Variants in NKAIN2 observed in about 807,000 individuals in gnomAD.
The protein encoded by NKAIN2 is sodium/potassium-transporting ATPase subunit beta-1-interacting protein 2.
A neutral mutation model predicts 32.6 loss-of-function variants in NKAIN2; 14 were observed. The observed-to-expected ratio is 0.43, with a 90% CI of 0.28 to 0.67. The LOEUF (loss-of-function observed/expected upper bound fraction) is 0.67. Ranked by LOEUF, NKAIN2 falls within the 30% of genes least tolerant of loss-of-function variation. The probability of loss-of-function intolerance (pLI) is 0.17; values close to 1 mark genes in which losing one functional copy is unlikely to be tolerated. For missense variants in NKAIN2, 198 were observed against 258.3 expected (o/e 0.77, Z 1.60); for synonymous variants, 80 against 87.2 (o/e 0.92, Z 0.46).
chr6:123,960,194 G>T (rs563735357), intron 1 of NKAIN2, among the ~76,000 whole-genome samples: 2 of 152,280 alleles, frequency 1.3e-5, no homozygotes, highest in South Asian at 4.1e-4. Context: ...CCAACACTGT[G>T]CAGCATACTG....
rs1781493198 is a variant in NKAIN2 at position 124,823,922 on chromosome 6, T to C, written c.*693T>C. On this transcript the variant is annotated 3_prime_UTR_variant, in exon 7 of 7. Transcript: ENST00000368417. ...TTTCATGTCAAGGAACAAGACTGAATAGCTCAGCAGCTCCAGTGTGTCTGT... is the reference window on the plus strand; with the variant it reads ...TTTCATGTCAAGGAACAAGACTGAACAGCTCAGCAGCTCCAGTGTGTCTGT... 1 of 152,208 alleles carries C rather than the reference T, an allele frequency of 6.6e-6. No homozygotes were observed. The allele number at this position is 152,208 out of a possible 1,614,324, so 9.4% of individuals were successfully genotyped here.
At chr6:124,040,800 T>A (rs1781835696) in intron 1 of NKAIN2, among the ~76,000 whole-genome samples, 1 of 152,072 alleles carries the variant, frequency 6.6e-6, no homozygotes, top group South Asian at 2.1e-4. Context: ...TCTTCCCATA[T>A]ATAAAAAGGG....
At chr6:123,889,064 A>G (rs538566706) in intron 1 of NKAIN2, among the ~76,000 whole-genome samples, 77 of 152,140 alleles carry the variant, frequency 5.1e-4, no homozygotes, top group African/African-American at 1.8e-3. Flanking sequence ...AAGAGATATT[A>G]TTTTCTCTAT....
At chr6:124,535,113 C>A (rs1779668404) in intron 3 of NKAIN2, among the ~76,000 whole-genome samples, 1 of 152,084 alleles carries the variant, frequency 6.6e-6, no homozygotes, top group Non-Finnish European at 1.5e-5. Context: ...CAGATGCAAC[C>A]ATATTTTTTT....
intron 1 of NKAIN2, among the ~76,000 whole-genome samples, chr6:123,977,151 T>C (rs1171115598): frequency 6.6e-6 from 1 of 152,216 alleles, no homozygotes; most frequent in African/African-American, 2.4e-5. Context: ...TTTCTTTTAA[T>C]TTTTTGTAGA....
chr6:124,617,262 C>T (rs529703247), intron 3 of NKAIN2, among the ~76,000 whole-genome samples: 4 of 152,262 alleles, frequency 2.6e-5, no homozygotes, highest in Non-Finnish European at 4.4e-5. Flanking sequence ...GCTCTTTCTC[C>T]GAGATTCAAA....
At chr6:124,046,035 C>T (rs890124909) in intron 1 of NKAIN2, among the ~76,000 whole-genome samples, 2 of 151,910 alleles carry the variant, frequency 1.3e-5, no homozygotes, top group African/African-American at 2.4e-5. Context: ...TAATAACTCC[C>T]AAGTTCAAAA....
intron 4 of NKAIN2, among the ~76,000 whole-genome samples, chr6:124,766,895 T>G (rs1441859135): frequency 6.6e-6 from 1 of 151,546 alleles, no homozygotes; most frequent in East Asian, 1.9e-4. Flanking sequence ...CTGTCTTGTT[T>G]TTTGTTTTTT....
At chr6:124,535,332 CTAAT>C (rs1324185958) in intron 3 of NKAIN2, among the ~76,000 whole-genome samples, 1 of 152,216 alleles carries the variant, frequency 6.6e-6, no homozygotes, top group Non-Finnish European at 1.5e-5. Flanking sequence ...GATTGGCTCA[CTAAT>C]TAAGTCACAT....
At chr6:123,819,727 G>A (rs918613303) in intron 1 of NKAIN2, among the ~76,000 whole-genome samples, 2 of 152,162 alleles carry the variant, frequency 1.3e-5, no homozygotes, top group African/African-American at 4.8e-5. Flanking sequence ...TTCCAGTAAA[G>A]AGATGTTAAA....
chr6:124,256,207 A>T (rs1338955850), intron 1 of NKAIN2, among the ~76,000 whole-genome samples: 1 of 152,206 alleles, frequency 6.6e-6, no homozygotes, highest in Non-Finnish European at 1.5e-5. Context: ...ACAAAAATCC[A>T]AAAGGTCATC....
chr6:124,195,177 T>G (rs1349755394), intron 1 of NKAIN2, among the ~76,000 whole-genome samples: 5 of 151,982 alleles, frequency 3.3e-5, no homozygotes, highest in Non-Finnish European at 7.4e-5. Context: ...AGGAAGTTTT[T>G]TAAGATAAAT....
chr6:123,829,705 C>G (rs187736275), intron 1 of NKAIN2, among the ~76,000 whole-genome samples: 235 of 152,238 alleles, frequency 1.5e-3, no homozygotes, highest in African/African-American at 5.3e-3. Context: ...GGTAGAACAG[C>G]TAATTTCTCA....
intron 1 of NKAIN2, among the ~76,000 whole-genome samples, chr6:124,184,682 G>A (rs1789620098): frequency 6.6e-6 from 1 of 152,100 alleles, no homozygotes; most frequent in Admixed American, 6.6e-5. Context: ...GAAACAACAG[G>A]TCTGTGTTTT....
At chr6:123,971,873 A>G (rs1029142834) in intron 1 of NKAIN2, among the ~76,000 whole-genome samples, 2 of 152,184 alleles carry the variant, frequency 1.3e-5, no homozygotes, top group Non-Finnish European at 2.9e-5. Flanking sequence ...AGGCTTTTAA[A>G]GTTTCATATT....
intron 1 of NKAIN2, among the ~76,000 whole-genome samples, chr6:123,854,121 G>C (rs1359251423): frequency 6.6e-6 from 1 of 152,138 alleles, no homozygotes; most frequent in Non-Finnish European, 1.5e-5. Flanking sequence ...ACAAGGTAAA[G>C]GGTTTAAAGA....
At chr6:123,939,057 C>T (rs898135371) in intron 1 of NKAIN2, among the ~76,000 whole-genome samples, 4 of 151,758 alleles carry the variant, frequency 2.6e-5, no homozygotes, top group Non-Finnish European at 5.9e-5. Flanking sequence ...GAACAGATTA[C>T]GAGTCAGACT....
chr6:124,399,314 A>T (rs1317910812), intron 3 of NKAIN2, among the ~76,000 whole-genome samples: 1 of 152,078 alleles, frequency 6.6e-6, no homozygotes, highest in African/African-American at 2.4e-5. Flanking sequence ...CTACTTTGGG[A>T]TGGGTTTGGT....
chr6:124,588,694 A>C (rs898617999), intron 3 of NKAIN2, among the ~76,000 whole-genome samples: 1 of 152,164 alleles, frequency 6.6e-6, no homozygotes, highest in Non-Finnish European at 1.5e-5. Context: ...GGTGCTACCA[A>C]TTGGGGATTG....
Sources: gnomAD v4.1 joint callset for allele counts (sites outside exome capture counted in the v4.1 genomes callset) on GRCh38, gnomAD v4.1.1 for gene constraint, MANE v1.5 for transcripts, NCBI Gene and HGNC (gene_info 2026-07-23, HGNC 2026-07-21) for gene names.